Variants in COL21A1 observed in about 807,000 individuals in gnomAD.
The protein encoded by COL21A1 is collagen alpha-1(XXI) chain.
A neutral mutation model predicts 137.9 loss-of-function variants in COL21A1; 149 were observed. The observed-to-expected ratio is 1.08, with a 90% CI of 0.95 to 1.24. The LOEUF is 1.24. Ranked by LOEUF, COL21A1 falls within the 50% of genes most tolerant of loss-of-function variation. The probability of loss-of-function intolerance (pLI) is 0.00; values close to 1 mark genes in which losing one functional copy is unlikely to be tolerated. For missense variants in COL21A1, 1,167 were observed against 1,158.4 expected, an observed-to-expected ratio of 1.01 and a Z score of -0.11; for synonymous variants, 456 against 391.5, an observed-to-expected ratio of 1.16 and a Z score of -1.95.
intron 16 of COL21A1, among the ~76,000 whole-genome samples, chr6:56,110,085 T>C (rs1336828805): frequency 6.6e-6 from 1 of 151,922 alleles, no homozygotes; most frequent in Non-Finnish European, 1.5e-5. Flanking sequence ...TAATATGAAA[T>C]AAAACATTTG....
intron 1 of COL21A1, among the ~76,000 whole-genome samples, chr6:56,195,471 A>G (rs1778960103): frequency 1.3e-5 from 2 of 151,922 alleles, no homozygotes; most frequent in South Asian, 2.1e-4. Flanking sequence ...CAGAATTGTG[A>G]GTATTTTAAT....
intron 14 of COL21A1, 120 bp from the exon 15 acceptor site, chr6:56,124,412 T>A: frequency 1.1e-6 from 1 of 902,840 alleles, no homozygotes; most frequent in Non-Finnish European, 1.7e-6. Flanking sequence ...CTCATGGAAC[T>A]ACAACTCATG....
intron 3 of COL21A1, among the ~76,000 whole-genome samples, chr6:56,177,791 C>CAAAAA (rs3065941): frequency 4.5e-4 from 31 of 69,244 alleles, no homozygotes; most frequent in East Asian, 8.2e-4. Flanking sequence ...GACTCTGCCT[C>CAAAAA]AAAAAAAAAA....
intron 21 of COL21A1, among the ~76,000 whole-genome samples, chr6:56,069,401 CG>C (rs1766539363): frequency 6.6e-6 from 1 of 151,014 alleles, no homozygotes; most frequent in African/African-American, 2.4e-5. Context: ...CAATAATAAA[CG>C]AAATAATAAA....
intron 1 of COL21A1, among the ~76,000 whole-genome samples, chr6:56,256,074 A>G (rs1782963280): frequency 1.3e-5 from 2 of 152,232 alleles, no homozygotes; most frequent in South Asian, 4.1e-4. Context: ...AGTTAAGAAG[A>G]TTTTGAATAC....
At chr6:56,116,712 T>C (rs1414261782) in intron 16 of COL21A1, among the ~76,000 whole-genome samples, 1 of 151,924 alleles carries the variant, frequency 6.6e-6, no homozygotes, top group African/African-American at 2.4e-5. Context: ...AAAGACTAAA[T>C]AATGAACCAA....
At chr6:56,081,982 G>A (rs1381433533) in intron 17 of COL21A1, among the ~76,000 whole-genome samples, 1 of 151,854 alleles carries the variant, frequency 6.6e-6, no homozygotes, top group Non-Finnish European at 1.5e-5. Flanking sequence ...CCATTTGGAG[G>A]CCATTTTCAA....
At chr6:56,184,340 A>G (rs1778121142) in intron 1 of COL21A1, among the ~76,000 whole-genome samples, 1 of 152,170 alleles carries the variant, frequency 6.6e-6, no homozygotes, top group Non-Finnish European at 1.5e-5. Context: ...TTAGACAGAA[A>G]TTTTCTGGTA....
chr6:56,114,619 T>C (rs1173278747), intron 16 of COL21A1, among the ~76,000 whole-genome samples: 1 of 151,578 alleles, frequency 6.6e-6, no homozygotes, highest in African/African-American at 2.4e-5. Context: ...AAAACCACAA[T>C]GAGATACCAT....
upstream of COL21A1, among the ~76,000 whole-genome samples, chr6:56,249,812 T>C (rs1782812373): frequency 6.6e-6 from 1 of 152,232 alleles, no homozygotes; most frequent in African/African-American, 2.4e-5. Context: ...AGTGACGATT[T>C]TGAATATACT....
chr6:56,303,211 G>C (rs887011997), intron 1 of COL21A1, among the ~76,000 whole-genome samples: 3 of 152,148 alleles, frequency 2.0e-5, no homozygotes, highest in Non-Finnish European at 2.9e-5. Flanking sequence ...TTGGCAATGT[G>C]GGCTCTTTTT....
intron 10 of COL21A1, among the ~76,000 whole-genome samples, chr6:56,147,630 T>C (rs1326608651): frequency 6.6e-6 from 1 of 152,132 alleles, no homozygotes; most frequent in African/African-American, 2.4e-5. Flanking sequence ...AAGAATTTAA[T>C]ATACCAATAA....
At chr6:56,272,417 C>T (rs990393069) in intron 1 of COL21A1, among the ~76,000 whole-genome samples, 8 of 152,124 alleles carry the variant, frequency 5.3e-5, no homozygotes, top group African/African-American at 1.2e-4. Context: ...TTAACTAACT[C>T]GATTTTCATT....
chr6:56,355,107 T>C (rs1765801718), intron 1 of COL21A1, among the ~76,000 whole-genome samples: 1 of 151,424 alleles, frequency 6.6e-6, no homozygotes, highest in Non-Finnish European at 1.5e-5. Flanking sequence ...AATGATAGGA[T>C]TGGAATATCA....
At chr6:56,280,707 T>C (rs1056359824) in intron 1 of COL21A1, among the ~76,000 whole-genome samples, 3 of 152,180 alleles carry the variant, frequency 2.0e-5, no homozygotes, top group Non-Finnish European at 4.4e-5. Flanking sequence ...AACTGAGCCT[T>C]ATAGGGTCGA....
intron 1 of COL21A1, among the ~76,000 whole-genome samples, chr6:56,323,627 ATCC>A (rs1764929001): frequency 6.6e-6 from 1 of 152,024 alleles, no homozygotes; most frequent in Non-Finnish European, 1.5e-5. Context: ...TGAACTCGTG[ATCC>A]ACCCTCCTCA....
chr6:56,293,791 T>C (rs1373184507), intron 1 of COL21A1, among the ~76,000 whole-genome samples: 1 of 152,170 alleles, frequency 6.6e-6, no homozygotes, highest in East Asian at 1.9e-4. Context: ...TTTTGAAATT[T>C]AATTAAAATA....
chr6:56,198,704 A>G (rs1350624246), intron 1 of COL21A1, among the ~76,000 whole-genome samples: 1 of 152,136 alleles, frequency 6.6e-6, no homozygotes, highest in East Asian at 1.9e-4. Context: ...TCTATTTCAC[A>G]TGTCATTTGG....
chr6:56,258,104 T>C (rs959597304), intron 1 of COL21A1, among the ~76,000 whole-genome samples: 1 of 152,152 alleles, frequency 6.6e-6, no homozygotes, highest in African/African-American at 2.4e-5. Flanking sequence ...TCTTTTTGAC[T>C]AAAAATATTC....
Sources: allele counts gnomAD v4.1 joint callset (sites outside exome capture counted in the v4.1 genomes callset), GRCh38; gene constraint gnomAD v4.1.1; transcripts MANE v1.5; gene names NCBI Gene and HGNC (gene_info 2026-07-23, HGNC 2026-07-21).